Variants in ARHGEF3 observed in about 807,000 individuals in gnomAD.
The protein encoded by ARHGEF3 is Rho guanine nucleotide exchange factor 3.
A neutral mutation model predicts 63.2 loss-of-function variants in ARHGEF3; 28 were observed. That is an observed-to-expected ratio of 0.44 (90% CI 0.33 to 0.61). The LOEUF (loss-of-function observed/expected upper bound fraction) is 0.61. Ranked by LOEUF, ARHGEF3 falls within the 20% of genes least tolerant of loss-of-function variation. The pLI, the probability that ARHGEF3 is intolerant of heterozygous loss-of-function variation, is 0.03. For missense variants in ARHGEF3, 533 were observed against 659.3 expected (o/e 0.81, Z 2.10); for synonymous variants, 266 against 254.2 (o/e 1.05, Z -0.44).
Position 56,751,416 on chromosome 3 carries a change from G to C in ARHGEF3, c.439-20C>G, listed in dbSNP as rs1191487403. On this transcript the variant is annotated intron_variant, in intron 4 of 9. Transcript: ENST00000296315. The stretch of plus-strand genomic sequence containing the variant: ...ATAGGCCTGCACAAAAACGGCAAGA[G>C]ATGGAAGCACATGTTTAAAATCAGA... 1.3e-6 allele frequency: 2 copies of C among 1,587,706 alleles called. No homozygotes were observed. Among genetic ancestry groups the C allele is most frequent in the Non-Finnish European group, 1.7e-6 (2 of 1,156,250 alleles).
intron 3 of ARHGEF3, among the ~76,000 whole-genome samples, chr3:56,913,762 T>C (rs2041915764): frequency 6.6e-6 from 1 of 152,218 alleles, no homozygotes; most frequent in Admixed American, 6.5e-5. Flanking sequence ...AGATCTACCA[T>C]TTGATTCAGC....
At chr3:56,807,718 G>C (rs894779377) in intron 4 of ARHGEF3, among the ~76,000 whole-genome samples, 1 of 152,194 alleles carries the variant, frequency 6.6e-6, no homozygotes, top group Admixed American at 6.5e-5. Context: ...TTTACTGCTA[G>C]ATAGGTAAAA....
At chr3:57,067,828 C>A (rs1197682013) in intron 1 of ARHGEF3, among the ~76,000 whole-genome samples, 35 of 141,798 alleles carry the variant, frequency 2.5e-4, no homozygotes, top group Admixed American at 5.0e-4. Flanking sequence ...AAAAAAAAAA[C>A]AAAACAAAAA....
intron 2 of ARHGEF3, among the ~76,000 whole-genome samples, chr3:56,987,010 G>A (rs1253811092): frequency 5.9e-5 from 9 of 152,010 alleles, no homozygotes; most frequent in Non-Finnish European, 1.2e-4. Context: ...CCAGGAGTTC[G>A]AGACCTGCCT....
chr3:56,928,791 G>A (rs1266283262), intron 3 of ARHGEF3, among the ~76,000 whole-genome samples: 2 of 152,182 alleles, frequency 1.3e-5, no homozygotes, highest in Non-Finnish European at 2.9e-5. Context: ...CCCCAGAGAG[G>A]TTGAATTCCT....
intron 3 of ARHGEF3, among the ~76,000 whole-genome samples, chr3:56,929,672 C>A (rs902603491): frequency 6.6e-6 from 1 of 152,156 alleles, no homozygotes; most frequent in African/African-American, 2.4e-5. Flanking sequence ...TCCATAGTCA[C>A]GGTGACAAGT....
intron 1 of ARHGEF3, among the ~76,000 whole-genome samples, chr3:56,781,632 G>A (rs1349876548): frequency 1.3e-5 from 2 of 152,172 alleles, no homozygotes; most frequent in African/African-American, 4.8e-5. Context: ...ATGGTACTTT[G>A]TTATAGCAGT....
intron 1 of ARHGEF3, among the ~76,000 whole-genome samples, chr3:56,793,616 T>C (rs2037204876): frequency 6.6e-6 from 1 of 152,186 alleles, no homozygotes; most frequent in South Asian, 2.1e-4. Context: ...TTTTATTATG[T>C]CTTAAAAATA....
At chr3:56,988,094 C>A (rs973944314) in intron 2 of ARHGEF3, among the ~76,000 whole-genome samples, 1 of 152,114 alleles carries the variant, frequency 6.6e-6, no homozygotes, top group Non-Finnish European at 1.5e-5. Flanking sequence ...CAGTTCCCCA[C>A]CTCTTGGGAC....
intron 7 of ARHGEF3, among the ~76,000 whole-genome samples, chr3:56,740,209 A>G (rs1223834568): frequency 1.3e-5 from 2 of 151,728 alleles, no homozygotes; most frequent in Admixed American, 6.6e-5. Context: ...AAAGTTTCAG[A>G]TATTTCTTTA....
intron 1 of ARHGEF3, among the ~76,000 whole-genome samples, chr3:57,047,087 GCCTGTAATC>G (rs1302942467): frequency 2.0e-5 from 3 of 152,180 alleles, no homozygotes; most frequent in African/African-American, 7.2e-5. Flanking sequence ...GGTGGCTAAC[GCCTGTAATC>G]CCAGCACTTT....
At chr3:56,912,575 G>A (rs2041881496) in intron 3 of ARHGEF3, among the ~76,000 whole-genome samples, 1 of 152,212 alleles carries the variant, frequency 6.6e-6, no homozygotes, top group South Asian at 2.1e-4. Flanking sequence ...CAAGAATAAT[G>A]ATAGTAGCCA....
chr3:56,947,308 C>T (rs1414769008), intron 3 of ARHGEF3, among the ~76,000 whole-genome samples: 4 of 152,120 alleles, frequency 2.6e-5, no homozygotes, highest in African/African-American at 9.7e-5. Context: ...GGGCTAAATG[C>T]TCCAATTAAA....
intron 4 of ARHGEF3, among the ~76,000 whole-genome samples, chr3:56,814,405 A>G (rs1298510881): frequency 6.6e-6 from 1 of 152,196 alleles, no homozygotes; most frequent in Non-Finnish European, 1.5e-5. Context: ...AAAAGATTGG[A>G]CACCTCTGCT....
rs545648437 is a variant in ARHGEF3, at chr3:56,771,792, A to G, written c.204+1917T>C. Among the ~76,000 whole-genome samples, 8 of 152,258 alleles carry G rather than the reference A, an allele frequency of 5.3e-5. No homozygotes were observed. In the South Asian group the frequency reaches 1.7e-3, roughly 32 times the overall value. On this transcript the variant is annotated intron_variant, in intron 2 of 9. Coordinates refer to ENST00000296315, the MANE Select transcript of ARHGEF3 (RefSeq NM_019555.3). ...GCAATAATGGGAAGAGATGGCTGGT[A>G]ATTTGGAGGTCTGACAATCAAGGAA...
chr3:56,965,687 C>T (rs561136281), intron 2 of ARHGEF3, among the ~76,000 whole-genome samples: 8 of 138,714 alleles, frequency 5.8e-5, no homozygotes, highest in Admixed American at 1.6e-4. Flanking sequence ...CTCGCTCTGT[C>T]GCCCAGGCTG....
intron 3 of ARHGEF3, among the ~76,000 whole-genome samples, chr3:56,883,161 ATCT>A (rs888859118): frequency 1.1e-4 from 17 of 152,244 alleles, no homozygotes; most frequent in African/African-American, 4.1e-4. Context: ...AAACTTAAAC[ATCT>A]TCTCCAACTT....
At chr3:56,896,612 C>T (rs145960541) in intron 3 of ARHGEF3, among the ~76,000 whole-genome samples, 4 of 152,338 alleles carry the variant, frequency 2.6e-5, no homozygotes, top group East Asian at 3.9e-4. Flanking sequence ...GAATCTGGAA[C>T]AGTTCCCCAG....
intron 1 of ARHGEF3, among the ~76,000 whole-genome samples, chr3:56,793,190 G>A: frequency 7.3e-6 from 1 of 136,338 alleles, no homozygotes; most frequent in Admixed American, 7.5e-5. Flanking sequence ...TTTTTTTTGA[G>A]ATGGAGTCTT....
Sources: allele counts gnomAD v4.1 joint callset (sites outside exome capture counted in the v4.1 genomes callset), GRCh38; gene constraint gnomAD v4.1.1; transcripts MANE v1.5; gene names NCBI Gene and HGNC (gene_info 2026-07-23, HGNC 2026-07-21).